The following FCMR variants were observed in gnomAD, a reference collection of about 807,000 sequenced individuals.
FCMR encodes immunoglobulin mu Fc receptor.
Under a neutral mutation model 41.6 loss-of-function variants are expected in FCMR, and 34 were observed. The observed-to-expected ratio is 0.82, with a 90% CI of 0.62 to 1.09. The LOEUF (loss-of-function observed/expected upper bound fraction) is 1.09, where lower values mean the gene tolerates loss of function less well. FCMR is among the 50% of genes least tolerant of loss of function. FCMR has a pLI of 0.00. For synonymous variants in FCMR, 209 were observed against 211.8 expected (o/e 0.99, Z 0.12); for missense variants, 496 against 512.5 (o/e 0.97, Z 0.31).
At chr1:206,907,664 C>T (rs1678728035) in intron 7 of FCMR, 1 of 788,620 alleles carries the variant, frequency 1.3e-6, no homozygotes, top group Non-Finnish European at 2.3e-6. Flanking sequence ...AGGCCATCTC[C>T]TGGGCCCCCT....
chr1:206,909,479 G>A lies in FCMR; in HGVS notation c.1027C>T (p.Pro343Ser), dbSNP rs765519847. ...APVPGPGAPL[P>S]PAPLQVSESP... is the part of the protein sequence containing the mutation. ...GAGCTTACCTGCAGCGGGGCGGGGG[G>A]CAACGGCGCTCCGGGGCCGGGAACG... is the stretch of plus-strand genomic sequence containing the variant. Residue 343 changes from proline to serine, a missense_variant, in exon 7 of 8, where the codon CCC becomes TCC. Pro to Ser is a moderately conservative substitution (Grantham distance 74, BLOSUM62 -1). Transcript: ENST00000367091. The surrounding 1 kb of genome is among the most constrained non-coding windows in gnomAD (Gnocchi z 5.0). 36 of 1,283,208 alleles carry A rather than the reference G, an allele frequency of 2.8e-5. No homozygotes were observed. Among genetic ancestry groups the A allele is most frequent in the South Asian group, 5.2e-5 (2 of 38,656 alleles). 79.5% of individuals were successfully genotyped at this position (1,283,208 alleles called of 1,614,324 possible).
In FCMR at chr1:206,909,596, A is replaced by AC; in HGVS notation, c.986-77dup. ...CCGTCATGCTACTACTCCCAGCTCC[A>AC]CCCCCGCCCCACTCCCAGCTCCACC... On this transcript the variant is annotated intron_variant, in intron 6 of 7. Coordinates refer to ENST00000367091, the MANE Select transcript of FCMR (RefSeq NM_005449.5). The surrounding 1 kb of genome is among the most constrained non-coding windows in gnomAD (Gnocchi z 5.0). The AC allele has an allele frequency of 8.0e-7, 1 of 1,243,422 alleles. No homozygotes were observed. Among genetic ancestry groups the AC allele is most frequent in the Non-Finnish European group, 1.0e-6 (1 of 969,058 alleles). 77.0% of individuals were successfully genotyped at this position (1,243,422 alleles called of 1,614,324 possible).
Position 206,905,162 on chromosome 1 carries a change from A to C in FCMR, c.1045-15T>G. 1 of 1,613,964 alleles carries C rather than the reference A, an allele frequency of 6.2e-7. No homozygotes were observed. On this transcript the variant is annotated splice_polypyrimidine_tract_variant and intron_variant, in intron 7 of 7. Coordinates refer to ENST00000367091, the MANE Select transcript of FCMR (RefSeq NM_005449.5). ...GATTCAGACACCTGGGGACAATGAAAGAAGCATCACTGGATCTGGGTAGGG... is the reference window on the plus strand; with the variant it reads ...GATTCAGACACCTGGGGACAATGAACGAAGCATCACTGGATCTGGGTAGGG...
At position 206,914,015 on chromosome 1, in the gene FCMR, A is replaced by G. The variant is rs764236133; in HGVS notation, c.117T>C (p.Leu39=). Residue 39 remains leucine, a synonymous_variant, in exon 2 of 8, where the codon CTT becomes CTC. Transcript: ENST00000367091. ...GATATATCCTCACATGCATTTCAGG[A>G]AGTGGGCACTTGATGGTAACTGATC... is the stretch of plus-strand genomic sequence containing the variant. The part of the protein sequence containing the change: ...LGGSVTIKCP[L]PEMHVRIYLC... 3 of 1,614,160 alleles carry G rather than the reference A, an allele frequency of 1.9e-6. No individual in the cohort carries two copies. The highest frequency in any genetic ancestry group is 2.5e-6 in the Non-Finnish European group (3 of 1,180,014).
chr1:206,921,883 A>AAG lies in FCMR; in HGVS notation c.-31_-30dup. On this transcript the variant is annotated 5_prime_UTR_variant, in exon 1 of 8. Transcript: ENST00000367091. Reference sequence around the variant, plus strand: ...CCCTTCTAGAGTGCAAGGTCCATCCAAGAGCCCCTAGAGAGGGGGATGGAG... The same window carrying AAG: ...CCCTTCTAGAGTGCAAGGTCCATCCAAGAGAGCCCCTAGAGAGGGGGATGGAG... The AAG allele has an allele frequency of 6.2e-7, 1 of 1,612,024 alleles. No individual in the cohort carries two copies. Among genetic ancestry groups the AAG allele is most frequent in the Non-Finnish European group, 8.5e-7 (1 of 1,178,144 alleles).
At position 206,903,633 on chromosome 1, in the gene FCMR, A is replaced by G. The variant is rs1373957481; in HGVS notation, c.*1386T>C. 6.5e-6 allele frequency: 1 copy of G among 152,948 alleles called. No individual in the cohort carries two copies. The highest frequency in any genetic ancestry group is 2.4e-5 in the African/African-American group (1 of 41,438). The allele number at this position is 152,948 out of a possible 1,614,324, so 9.5% of individuals were successfully genotyped here. ...AAAAGTAAACGATAAAATGTGGATT[A>G]AAGTGCCCAGCACAAAGCAGATCCT... On this transcript the variant is annotated 3_prime_UTR_variant, in exon 8 of 8. Coordinates refer to ENST00000367091, the MANE Select transcript of FCMR (RefSeq NM_005449.5).
Position 206,905,155 on chromosome 1 carries a change from C to T in FCMR, c.1045-8G>A, listed in dbSNP as rs768171291. On this transcript the variant is annotated splice_region_variant and splice_polypyrimidine_tract_variant and intron_variant, in intron 7 of 7. Coordinates refer to ENST00000367091, the MANE Select transcript of FCMR (RefSeq NM_005449.5). Reference sequence around the variant, plus strand: ...CCAGGGAGATTCAGACACCTGGGGACAATGAAAGAAGCATCACTGGATCTG... The same window carrying T: ...CCAGGGAGATTCAGACACCTGGGGATAATGAAAGAAGCATCACTGGATCTG... 4.3e-6 allele frequency: 7 copies of T among 1,613,830 alleles called. No homozygotes were observed. In the South Asian group the frequency reaches 7.7e-5, roughly 18 times the overall value.
At chr1:206,908,904 T>C (rs532033121) in intron 7 of FCMR, among the ~76,000 whole-genome samples, 5 of 151,902 alleles carry the variant, frequency 3.3e-5, no homozygotes, top group Admixed American at 6.6e-5. Context: ...GAAACGCGAG[T>C]TCCCTCCATC....
In FCMR at chr1:206,908,215, G is replaced by A. The variant is rs1034988651; in HGVS notation, c.1044+1247C>T. 47 of 1,441,196 alleles carry A rather than the reference G, an allele frequency of 3.3e-5. No individual in the cohort carries two copies. In the Admixed American group the frequency reaches 7.9e-4, roughly 24 times the overall value. 89.3% of individuals were successfully genotyped at this position (1,441,196 alleles called of 1,614,324 possible). A position where few individuals can be genotyped will look rare whatever the true frequency, so the allele number is the denominator to read the frequency against. ...ATACACAGAGGTCCTCAAGACCCAC[G>A]GGCTCCTGGTCTGAGCCCAATAAAG... is the stretch of plus-strand genomic sequence containing the variant. On this transcript the variant is annotated intron_variant, in intron 7 of 7. Coordinates refer to ENST00000367091, the MANE Select transcript of FCMR (RefSeq NM_005449.5).
At chr1:206,915,121 G>A (rs888355394) in intron 1 of FCMR, among the ~76,000 whole-genome samples, 7 of 152,150 alleles carry the variant, frequency 4.6e-5, no homozygotes, top group South Asian at 2.1e-4. Flanking sequence ...TTCAACAAGC[G>A]TTTATTGAAT....
chr1:206,922,113 G>C, upstream of FCMR: 5 of 532,102 alleles, frequency 9.4e-6, no homozygotes, highest in South Asian at 1.2e-4. Flanking sequence ...GGGTCACCCT[G>C]TTCAAAAGGC....
At chr1:206,917,415 T>C (rs1388757018) in intron 1 of FCMR, among the ~76,000 whole-genome samples, 2 of 152,142 alleles carry the variant, frequency 1.3e-5, no homozygotes, top group Non-Finnish European at 2.9e-5. Flanking sequence ...AACCCGGGTG[T>C]GTCCAGGCCT....
chr1:206,909,949 C>G lies in FCMR; in HGVS notation c.842-81G>C. On this transcript the variant is annotated intron_variant, in intron 5 of 7. Coordinates refer to ENST00000367091, the MANE Select transcript of FCMR (RefSeq NM_005449.5). This position sits in a 1 kb window ranked among gnomAD's most constrained non-coding sequence, Gnocchi z 5.0. ...CCCTCCCCAAACGAAAGGCTGCCTCCTCCCTCGGGCTTGGCAGTGTCTGAC... is the reference window on the plus strand; with the variant it reads ...CCCTCCCCAAACGAAAGGCTGCCTCGTCCCTCGGGCTTGGCAGTGTCTGAC... The G allele has an allele frequency of 1.5e-6, 2 of 1,335,938 alleles. No individual in the cohort carries two copies. Among genetic ancestry groups the G allele is most frequent in the Non-Finnish European group, 9.7e-7 (1 of 1,035,514 alleles). 82.8% of individuals were successfully genotyped at this position (1,335,938 alleles called of 1,614,324 possible). A position where few individuals can be genotyped will look rare whatever the true frequency, so the allele number is the denominator to read the frequency against.
chr1:206,917,468 G>C (rs1679242048), intron 1 of FCMR, among the ~76,000 whole-genome samples: 1 of 152,138 alleles, frequency 6.6e-6, no homozygotes, highest in African/African-American at 2.4e-5. Flanking sequence ...CCTTTCAAAG[G>C]CCAGCCCCTC....
chr1:206,919,925 A>AT (rs1679361254), intron 1 of FCMR, among the ~76,000 whole-genome samples: 1 of 152,122 alleles, frequency 6.6e-6, no homozygotes, highest in Admixed American at 6.5e-5. Context: ...ACTTTTAGAG[A>AT]TTTTCAATCT....
rs761140295 is a variant in FCMR at position 206,911,722 on chromosome 1, T to C, written c.710+8A>G. 1 of 1,610,528 alleles carries C rather than the reference T, an allele frequency of 6.2e-7. No homozygotes were observed. Among genetic ancestry groups the C allele is most frequent in the East Asian group, 2.2e-5 (1 of 44,876 alleles). On this transcript the variant is annotated splice_region_variant and intron_variant, in intron 4 of 7. Coordinates refer to ENST00000367091, the MANE Select transcript of FCMR (RefSeq NM_005449.5). Reference sequence around the variant, plus strand: ...CCTAACTCTAGATCCTGGACAGTGGTCTCTTACCTCTGCCTGTGCAGCCTG... The same window carrying C: ...CCTAACTCTAGATCCTGGACAGTGGCCTCTTACCTCTGCCTGTGCAGCCTG...
At chr1:206,918,728 T>C (rs953818445) in intron 1 of FCMR, among the ~76,000 whole-genome samples, 3 of 151,858 alleles carry the variant, frequency 2.0e-5, no homozygotes, top group African/African-American at 7.3e-5. Context: ...TGTATGTATG[T>C]ATGTATTATT....
chr1:206,917,918 T>C (rs1189742713), intron 1 of FCMR: 3 of 408,502 alleles, frequency 7.3e-6, no homozygotes, highest in South Asian at 1.8e-5. Flanking sequence ...ATGCCTGGCT[T>C]TGCCCATCTT....
At position 206,911,949 on chromosome 1, in the gene FCMR, G is replaced by C; in HGVS notation, c.491C>G (p.Thr164Ser). The change falls in exon 4 of 8, where the codon ACC becomes AGC. Residue 164 changes from threonine (T) to serine (S), a missense_variant. By Grantham distance (58) the Thr-to-Ser change is moderately conservative. Transcript: ENST00000367091. ...GACCTTGCCCCTTTGAGCTGGTGTG[G>C]TAACTGCAGGAGGTAGCAGGAAAAA... Reference protein sequence around the residue: ...ASSSKFVTRVTTPAQRGKVPP... With the variant: ...ASSSKFVTRVSTPAQRGKVPP... 6.2e-7 allele frequency: 1 copy of C among 1,608,704 alleles called. No homozygotes were observed. The highest frequency in any genetic ancestry group is 8.5e-7 in the Non-Finnish European group (1 of 1,178,180).
Sources: gnomAD v4.1 joint callset for allele counts (sites outside exome capture counted in the v4.1 genomes callset) on GRCh38, gnomAD v4.1.1 for gene constraint, Gnocchi (gnomAD v3.1) non-coding constraint, MANE v1.5 for transcripts, NCBI Gene and HGNC (gene_info 2026-07-23, HGNC 2026-07-21) for gene names.